ULK4: variants seen among roughly 807,000 people sequenced by gnomAD.
The protein encoded by ULK4 is unc-51 like kinase 4.
ULK4 carries 133 observed loss-of-function variants against 160.6 expected under a neutral mutation model. The observed-to-expected ratio is 0.83, with a 90% confidence interval of 0.72 to 0.96. The LOEUF is 0.96. ULK4 is among the 40% of genes least tolerant of loss of function. The pLI is 0.00. For synonymous variants in ULK4, 534 were observed against 539.8 expected, an observed-to-expected ratio of 0.99 and a Z score of 0.15; for missense variants, 1,580 against 1,499.5, an observed-to-expected ratio of 1.05 and a Z score of -0.89.
chr3:41,373,927 A>C (rs1350370814), intron 35 of ULK4, among the ~76,000 whole-genome samples: 1 of 152,214 alleles, frequency 6.6e-6, no homozygotes, highest in Non-Finnish European at 1.5e-5. Flanking sequence ...AGAATCAAAT[A>C]GATGCAATAA....
At chr3:41,611,197 A>AC (rs2032657969) in intron 31 of ULK4, among the ~76,000 whole-genome samples, 1 of 152,190 alleles carries the variant, frequency 6.6e-6, no homozygotes, top group Non-Finnish European at 1.5e-5. Flanking sequence ...GTACTATAAT[A>AC]CAAATGCATT....
At chr3:41,770,331 A>AAACATG (rs1399128033) in intron 21 of ULK4, among the ~76,000 whole-genome samples, 2 of 152,114 alleles carry the variant, frequency 1.3e-5, no homozygotes, top group Non-Finnish European at 2.9e-5. Context: ...TCAAAACACA[A>AAACATG]AACATGAACC....
intron 16 of ULK4, among the ~76,000 whole-genome samples, chr3:41,890,047 A>G (rs550822176): frequency 6.6e-6 from 1 of 152,380 alleles, no homozygotes; most frequent in South Asian, 2.1e-4. Context: ...AATATCAAAA[A>G]TAGGCAAATC....
chr3:41,526,890 AT>A (rs138113029), intron 32 of ULK4, among the ~76,000 whole-genome samples: 16 of 151,516 alleles, frequency 1.1e-4, no homozygotes, highest in African/African-American at 1.5e-4. Flanking sequence ...TAAAAGTGAC[AT>A]TTTTTTTTCT....
At chr3:41,730,249 G>C (rs1185776370) in intron 22 of ULK4, among the ~76,000 whole-genome samples, 1 of 151,992 alleles carries the variant, frequency 6.6e-6, no homozygotes, top group African/African-American at 2.4e-5. Context: ...AAAACAACAA[G>C]AAACTAAACC....
At chr3:41,289,925 G>A (rs762983351) in intron 35 of ULK4, among the ~76,000 whole-genome samples, 1 of 152,046 alleles carries the variant, frequency 6.6e-6, no homozygotes, top group Non-Finnish European at 1.5e-5. Flanking sequence ...GCCCAGGCTG[G>A]AGCACAATGG....
chr3:41,593,745 G>A (rs2031507923), intron 31 of ULK4, among the ~76,000 whole-genome samples: 1 of 152,076 alleles, frequency 6.6e-6, no homozygotes, highest in Non-Finnish European at 1.5e-5. Context: ...AAGAAAAATA[G>A]CCTGGCTGGG....
intron 32 of ULK4, among the ~76,000 whole-genome samples, chr3:41,545,190 A>T (rs1022348445): frequency 2.5e-4 from 38 of 151,996 alleles, no homozygotes; most frequent in Admixed American, 1.2e-3. Flanking sequence ...AACAAAAAAA[A>T]GGTATTCTTT....
At chr3:41,301,242 G>T (rs1290131990) in intron 35 of ULK4, among the ~76,000 whole-genome samples, 4 of 150,764 alleles carry the variant, frequency 2.7e-5, no homozygotes, top group Non-Finnish European at 5.9e-5. Flanking sequence ...TTGATACAGA[G>T]AATATTATAC....
At chr3:41,762,300 G>A (rs991846442) in intron 21 of ULK4, among the ~76,000 whole-genome samples, 1 of 151,272 alleles carries the variant, frequency 6.6e-6, no homozygotes, top group African/African-American at 2.4e-5. Flanking sequence ...ACCCTTCCCA[G>A]CTCCTGTTAC....
rs139172611 is a variant in ULK4 at position 41,511,701 on chromosome 3, A to G, written c.3227-48448T>C. On this transcript the variant is annotated intron_variant, in intron 32 of 36. Transcript: ENST00000301831. Reference sequence around the variant, plus strand: ...TACCAGACAGATTCACAACTGAATTATATCAGACATTCAGAGAAGAACTGG... The same window carrying G: ...TACCAGACAGATTCACAACTGAATTGTATCAGACATTCAGAGAAGAACTGG... Among the ~76,000 whole-genome samples the G allele has an allele frequency of 5.3e-5, 8 of 152,314 alleles. No homozygotes were observed. In the East Asian group the frequency reaches 1.4e-3, roughly 26 times the overall value.
intron 35 of ULK4, among the ~76,000 whole-genome samples, chr3:41,296,758 T>C (rs950559566): frequency 9.9e-5 from 15 of 151,942 alleles, no homozygotes; most frequent in South Asian, 8.3e-4. Flanking sequence ...AGGGGGTCAA[T>C]GGCAGACTGC....
chr3:41,909,926 C>T (rs752466691), intron 11 of ULK4, among the ~76,000 whole-genome samples: 60 of 151,352 alleles, frequency 4.0e-4, no homozygotes, highest in Non-Finnish European at 7.4e-4. Flanking sequence ...GACGGTGTTT[C>T]GCTCTTGTCC....
At chr3:41,944,145 C>G (rs1224136011) in intron 2 of ULK4, among the ~76,000 whole-genome samples, 2 of 152,186 alleles carry the variant, frequency 1.3e-5, no homozygotes, top group Non-Finnish European at 2.9e-5. Context: ...CCCTGGAAAG[C>G]TGACATGATA....
intron 2 of ULK4, among the ~76,000 whole-genome samples, chr3:41,953,431 T>C (rs1394400616): frequency 6.6e-6 from 1 of 151,280 alleles, no homozygotes; most frequent in Non-Finnish European, 1.5e-5. Flanking sequence ...GCCTCCTGAG[T>C]AGCTGGAATT....
intron 16 of ULK4, among the ~76,000 whole-genome samples, chr3:41,888,602 C>A (rs1031735516): frequency 6.6e-6 from 1 of 152,206 alleles, no homozygotes; most frequent in South Asian, 2.1e-4. Context: ...TCAGTCAGGT[C>A]CTGCCTCTTT....
At chr3:41,507,561 A>G (rs1037863435) in intron 32 of ULK4, among the ~76,000 whole-genome samples, 5 of 149,892 alleles carry the variant, frequency 3.3e-5, no homozygotes, top group Non-Finnish European at 5.9e-5. Flanking sequence ...TGGGGAAAAC[A>G]CTTTTCTTCC....
chr3:41,544,868 C>CCT (rs1257081681), intron 32 of ULK4, among the ~76,000 whole-genome samples: 2 of 152,042 alleles, frequency 1.3e-5, no homozygotes, highest in East Asian at 1.9e-4. Context: ...GTCTACTTGA[C>CCT]CTCTACAGTG....
intron 16 of ULK4, among the ~76,000 whole-genome samples, chr3:41,894,946 C>T (rs565690715): frequency 3.9e-5 from 6 of 152,332 alleles, no homozygotes; most frequent in Admixed American, 3.3e-4. Flanking sequence ...AGGACACTTC[C>T]TTCCATCGGG....
Sources: allele counts gnomAD v4.1 joint callset (sites outside exome capture counted in the v4.1 genomes callset), GRCh38; gene constraint gnomAD v4.1.1; transcripts MANE v1.5; gene names NCBI Gene and HGNC (gene_info 2026-07-23, HGNC 2026-07-21).